Variants in ENTPD1 observed in about 807,000 individuals in gnomAD.
ENTPD1 encodes the protein ectonucleoside triphosphate diphosphohydrolase 1.
ENTPD1 carries 33 observed loss-of-function variants against 57.0 expected under a neutral mutation model. That is an observed-to-expected ratio of 0.58 (90% CI 0.44 to 0.77). The LOEUF (loss-of-function observed/expected upper bound fraction) is 0.77. Ranked by LOEUF, ENTPD1 falls within the 30% of genes least tolerant of loss-of-function variation. The pLI is 0.00. For missense variants in ENTPD1, 501 were observed against 603.4 expected, an observed-to-expected ratio of 0.83 and a Z score of 1.78; for synonymous variants, 202 against 218.8, an observed-to-expected ratio of 0.92 and a Z score of 0.68.
intron 1 of ENTPD1, among the ~76,000 whole-genome samples, chr10:95,741,721 A>G (rs2098000567): frequency 6.6e-6 from 1 of 152,118 alleles, no homozygotes; most frequent in Non-Finnish European, 1.5e-5. Flanking sequence ...AGTCTCTTAG[A>G]ATTTGGAGGA....
At chr10:95,828,308 T>C (rs2098384938) in intron 2 of ENTPD1, among the ~76,000 whole-genome samples, 1 of 152,164 alleles carries the variant, frequency 6.6e-6, no homozygotes, top group Non-Finnish European at 1.5e-5. Context: ...TCTGTCACTG[T>C]CTCCCGTTAC....
At chr10:95,707,521 A>C, upstream of ENTPD1, among the ~76,000 whole-genome samples, 1 of 152,184 alleles carries the variant, frequency 6.6e-6, no homozygotes, top group East Asian at 1.9e-4. Context: ...GTAGGAATAC[A>C]ATGGAGATTT....
In ENTPD1 at chr10:95,874,146, T is replaced by G. The variant is rs1226924506; in HGVS notation, c.*7763T>G. 6.6e-6 allele frequency among the ~76,000 whole-genome samples: 1 copy of G among 152,142 alleles called. No homozygotes were observed. Among genetic ancestry groups the G allele is most frequent in the Non-Finnish European group, 1.5e-5 (1 of 68,028 alleles). On this transcript the variant is annotated 3_prime_UTR_variant, in exon 10 of 10. Coordinates refer to ENST00000371205, the MANE Select transcript of ENTPD1 (RefSeq NM_001776.6). ...CCAAAGTCTTAACTCATTTCAGCAT[T>G]AACCCAAAAGTCCACAGTCCAAAGT...
chr10:95,868,511 T>C lies in ENTPD1; in HGVS notation c.*2128T>C. ...ATTGACATCAAATAGTGGCCGATGATGATGAAAATAAAGGTCAAATAAGTT... is the reference window on the plus strand; with the variant it reads ...ATTGACATCAAATAGTGGCCGATGACGATGAAAATAAAGGTCAAATAAGTT... On this transcript the variant is annotated 3_prime_UTR_variant, in exon 10 of 10. Coordinates refer to ENST00000371205, the MANE Select transcript of ENTPD1 (RefSeq NM_001776.6). 2.0e-6 allele frequency: 2 copies of C among 985,456 alleles called. No homozygotes were observed. The highest frequency in any genetic ancestry group is 3.5e-5 in the African/African-American group (2 of 57,360). 61.0% of individuals were successfully genotyped at this position (985,456 alleles called of 1,614,324 possible).
rs1388679576 is a variant in ENTPD1, at chr10:95,844,601, T to C, written c.539T>C (p.Ile180Thr). Reference protein sequence around the residue: ...TGQEEGAYGWITINYLLGKFS... With the variant: ...TGQEEGAYGWTTINYLLGKFS... ...CAAGAGGAAGGTGCCTATGGCTGGA[T>C]TACTATCAACTATCTGCTGGGCAAA... The change falls in exon 5 of 10, where the codon ATT (isoleucine) becomes ACT (threonine). Residue 180 changes from isoleucine (I) to threonine (T), a missense_variant. Transcript: ENST00000371205. 6.2e-7 allele frequency: 1 copy of C among 1,614,144 alleles called. No individual in the cohort carries two copies. The highest frequency in any genetic ancestry group is 8.5e-7 in the Non-Finnish European group (1 of 1,180,020).
chr10:95,731,801 T>TTTTTTTTTTTTTTTTC (rs2097989527), intron 1 of ENTPD1, among the ~76,000 whole-genome samples: 1 of 147,082 alleles, frequency 6.8e-6, no homozygotes, highest in African/African-American at 2.5e-5. Context: ...TTTTTTTTTT[T>TTTTTTTTTTTTTTTTC]TGACAGAGTC....
At chr10:95,698,206 T>C in the ENTPD1 span, among the ~76,000 whole-genome samples, 5,640 of 152,280 alleles carry the variant, frequency 0.037, 129 homozygotes, top group Non-Finnish European at 0.049. Flanking sequence ...CTGAACTGTG[T>C]CCATGCCTGA....
intron 1 of ENTPD1, among the ~76,000 whole-genome samples, chr10:95,822,953 A>G (rs187180981): frequency 2.0e-4 from 30 of 152,274 alleles, no homozygotes; most frequent in South Asian, 1.2e-3. Context: ...TAAACAGCCA[A>G]TTTGGGGCTC....
intron 1 of ENTPD1, 110 bp downstream of exon 1, chr10:95,756,365 G>A: frequency 8.0e-7 from 1 of 1,246,714 alleles, no homozygotes; most frequent in Non-Finnish European, 1.1e-6. Flanking sequence ...AAAAAGCCCT[G>A]AATGAACTTT....
intron 1 of ENTPD1, among the ~76,000 whole-genome samples, chr10:95,793,075 A>G (rs1302688458): frequency 1.3e-5 from 2 of 152,104 alleles, no homozygotes; most frequent in Non-Finnish European, 2.9e-5. Flanking sequence ...TCCTGAAGTG[A>G]TTTTGAAGCT....
At chr10:95,792,125 G>A (rs952812607) in intron 1 of ENTPD1, among the ~76,000 whole-genome samples, 6 of 152,086 alleles carry the variant, frequency 3.9e-5, no homozygotes, top group Admixed American at 2.6e-4. Context: ...AGAAGAGAGC[G>A]TGGCTGAAGA....
chr10:95,858,174 TA>T (rs2098458889), intron 7 of ENTPD1, among the ~76,000 whole-genome samples: 1 of 140,804 alleles, frequency 7.1e-6, no homozygotes, highest in African/African-American at 2.7e-5. Context: ...AAAAAAAAAG[TA>T]ACTGCTGGGA....
the ENTPD1 span, among the ~76,000 whole-genome samples, chr10:95,694,423 A>ATTT: frequency 1.4e-4 from 10 of 72,962 alleles, no homozygotes; most frequent in South Asian, 1.3e-3. Flanking sequence ...GGCTTTTTTA[A>ATTT]AAAAAAAAAA....
intron 1 of ENTPD1, among the ~76,000 whole-genome samples, chr10:95,781,567 C>T (rs541383877): frequency 2.0e-5 from 3 of 152,118 alleles, no homozygotes; most frequent in Middle Eastern, 3.4e-3. Context: ...AATATAGATA[C>T]CTACTGTGTA....
chr10:95,767,727 C>A (rs2098095407), intron 1 of ENTPD1, among the ~76,000 whole-genome samples: 2 of 152,006 alleles, frequency 1.3e-5, no homozygotes, highest in Non-Finnish European at 2.9e-5. Flanking sequence ...GAGACAACTT[C>A]TCTTAAATAT....
At chr10:95,808,778 T>A (rs1396481768) in intron 1 of ENTPD1, among the ~76,000 whole-genome samples, 1 of 151,676 alleles carries the variant, frequency 6.6e-6, no homozygotes, top group Non-Finnish European at 1.5e-5. Flanking sequence ...GAGAGGGGGA[T>A]GTGGCAGGGT....
rs898125896 is a variant in ENTPD1, at chr10:95,874,695, G to T, written c.*8312G>T. On this transcript the variant is annotated 3_prime_UTR_variant, in exon 10 of 10. Transcript: ENST00000371205. Reference sequence around the variant, plus strand: ...TCCCTTCCACACTGCCCTAGGAGAGGTTCCCCATGAGGGCTCTGCCCCTGC... The same window carrying T: ...TCCCTTCCACACTGCCCTAGGAGAGTTTCCCCATGAGGGCTCTGCCCCTGC... Among the ~76,000 whole-genome samples, 2 of 152,222 alleles carry T rather than the reference G, an allele frequency of 1.3e-5. No homozygotes were observed. The highest frequency in any genetic ancestry group is 4.8e-5 in the African/African-American group (2 of 41,454).
At chr10:95,745,493 T>G (rs1180136782) in intron 1 of ENTPD1, among the ~76,000 whole-genome samples, 1 of 152,202 alleles carries the variant, frequency 6.6e-6, no homozygotes, top group Non-Finnish European at 1.5e-5. Context: ...CTTACCATTT[T>G]TGATGAAGTG....
intron 1 of ENTPD1, among the ~76,000 whole-genome samples, chr10:95,717,110 T>C (rs1454696146): frequency 6.6e-6 from 1 of 152,254 alleles, no homozygotes; most frequent in Non-Finnish European, 1.5e-5. Context: ...TGCATTCTTC[T>C]TGCTGTTCTG....
Sources: allele counts gnomAD v4.1 joint callset (sites outside exome capture counted in the v4.1 genomes callset), GRCh38; gene constraint gnomAD v4.1.1; transcripts MANE v1.5; gene names NCBI Gene and HGNC (gene_info 2026-07-23, HGNC 2026-07-21).